FOXP1: variants seen among roughly 807,000 people sequenced by gnomAD.
FOXP1 encodes the protein forkhead box P1.
Under a neutral mutation model 98.2 loss-of-function variants are expected in FOXP1, and 15 were observed. The observed-to-expected ratio is 0.15, with a 90% CI of 0.10 to 0.24. The LOEUF (loss-of-function observed/expected upper bound fraction) is 0.24, where lower values mean the gene tolerates loss of function less well. Ranked by LOEUF, FOXP1 falls within the 10% of genes least tolerant of loss-of-function variation. The pLI is 1.00. For synonymous variants in FOXP1, 371 were observed against 314.5 expected, an observed-to-expected ratio of 1.18 and a Z score of -1.90; for missense variants, 633 against 848.5, an observed-to-expected ratio of 0.75 and a Z score of 3.15.
chr3:71,263,960 A>T (rs2069404869), intron 5 of FOXP1, among the ~76,000 whole-genome samples: 2 of 150,796 alleles, frequency 1.3e-5, no homozygotes, highest in African/African-American at 4.9e-5. Context: ...TTTCCTGCCC[A>T]GGCTGGTCTC....
chr3:71,001,126 G>GA, intron 12 of FOXP1, 67 bp from the exon 13 acceptor site: 2 of 1,285,564 alleles, frequency 1.6e-6, no homozygotes, highest in South Asian at 2.4e-5. Flanking sequence ...AAGTTACCAG[G>GA]ATGTTTAAGC....
Position 71,158,129 on chromosome 3 carries a change from GAGGGAGGGAGGC to G in FOXP1, c.180+40061_180+40072del, listed in dbSNP as rs1256014224. Among the ~76,000 whole-genome samples the G allele has an allele frequency of 4.3e-4, 20 of 45,998 alleles. 1 individual carries two copies. The highest frequency in any genetic ancestry group is 9.9e-4 in the African/African-American group (14 of 14,144). 30.2% of individuals were successfully genotyped at this position (45,998 alleles called of 152,430 possible). A position where few individuals can be genotyped will look rare whatever the true frequency, so the allele number is the denominator to read the frequency against. On this transcript the variant is annotated intron_variant, in intron 6 of 20. Transcript: ENST00000649528. The stretch of plus-strand genomic sequence containing the variant: ...GAAGGGAGGGAGGGAGGGAGGGAGG[GAGGGAGGGAGGC>G]AGGGAAGGAGGGAGGGAGGCAGGGA...
intron 7 of FOXP1, among the ~76,000 whole-genome samples, chr3:71,054,322 C>T (rs974575761): frequency 1.3e-5 from 2 of 152,238 alleles, no homozygotes; most frequent in Non-Finnish European, 2.9e-5. Flanking sequence ...TCCTTATTCA[C>T]CCAGCACACA....
At chr3:71,154,986 T>C (rs1379225942) in intron 6 of FOXP1, among the ~76,000 whole-genome samples, 1 of 152,218 alleles carries the variant, frequency 6.6e-6, no homozygotes, top group Non-Finnish European at 1.5e-5. Flanking sequence ...ATAATATTAC[T>C]GAAAAAATCA....
At chr3:71,305,649 C>A (rs12374061) in intron 4 of FOXP1, 65,417 of 151,954 alleles carry the variant, frequency 0.43, 16,968 homozygotes, top group East Asian at 0.89. Flanking sequence ...CTCTCTCTCT[C>A]TTTTCTTTTT....
At chr3:71,534,119 T>C (rs181800643) in intron 2 of FOXP1, among the ~76,000 whole-genome samples, 39 of 152,226 alleles carry the variant, frequency 2.6e-4, no homozygotes, top group African/African-American at 8.9e-4. Context: ...ATCTCAGCAA[T>C]TTGGGAGGCC....
intron 5 of FOXP1, among the ~76,000 whole-genome samples, chr3:71,243,513 T>C (rs1256274840): frequency 6.6e-6 from 1 of 152,206 alleles, no homozygotes; most frequent in Non-Finnish European, 1.5e-5. Context: ...TGTATTCAAA[T>C]CTGCTTGGGA....
intron 6 of FOXP1, among the ~76,000 whole-genome samples, chr3:71,163,040 T>G (rs922556624): frequency 1.3e-5 from 2 of 152,226 alleles, no homozygotes; most frequent in Non-Finnish European, 2.9e-5. Flanking sequence ...TCTGTAATTA[T>G]ATGCACAAAC....
chr3:71,537,800 G>A (rs1336945817), intron 2 of FOXP1, among the ~76,000 whole-genome samples: 1 of 152,200 alleles, frequency 6.6e-6, no homozygotes, highest in Non-Finnish European at 1.5e-5. Context: ...AAATCTTTCT[G>A]ACCACCTGCT....
In FOXP1 at chr3:70,975,676, A is replaced by C. The variant is rs145589356; in HGVS notation, c.1530+1265T>G. Among the ~76,000 whole-genome samples, 552 of 152,342 alleles carry C rather than the reference A, an allele frequency of 3.6e-3. 4 individuals carry two copies. The highest frequency in any genetic ancestry group is 0.013 in the African/African-American group (525 of 41,574). ...AAAATAGCCTCAAATGTTTGTTATC[A>C]CATGTCTCTAAATGTTTTGGATTTC... On this transcript the variant is annotated intron_variant, in intron 17 of 20. Transcript: ENST00000649528.
intron 2 of FOXP1, among the ~76,000 whole-genome samples, chr3:71,517,193 C>CAA (rs373133762): frequency 1.7e-3 from 255 of 148,404 alleles, no homozygotes; most frequent in Admixed American, 3.6e-3. Context: ...GGTGATCTAT[C>CAA]AAAAAAAAAA....
intron 5 of FOXP1, among the ~76,000 whole-genome samples, chr3:71,286,098 G>T (rs1475645636): frequency 9.9e-5 from 15 of 152,172 alleles, no homozygotes; most frequent in Admixed American, 9.8e-4. Flanking sequence ...GTTACCTAAT[G>T]TCAGTCACTT....
chr3:71,456,554 G>A (rs1459055475), intron 3 of FOXP1, among the ~76,000 whole-genome samples: 1 of 152,136 alleles, frequency 6.6e-6, no homozygotes, highest in Admixed American at 6.5e-5. Flanking sequence ...TATGGAAGAA[G>A]CCTGTTCCCA....
intron 3 of FOXP1, among the ~76,000 whole-genome samples, chr3:71,414,108 C>T (rs925585935): frequency 3.9e-5 from 6 of 152,026 alleles, no homozygotes; most frequent in African/African-American, 1.5e-4. Context: ...GAGAAGCACC[C>T]CAACTCTCGG....
At chr3:71,031,383 G>A (rs1482023921) in intron 11 of FOXP1, among the ~76,000 whole-genome samples, 1 of 152,208 alleles carries the variant, frequency 6.6e-6, no homozygotes, top group Admixed American at 6.5e-5. Flanking sequence ...AGCTACAGTT[G>A]CTATGGGGTC....
chr3:71,236,461 C>T (rs2066785092), intron 5 of FOXP1, among the ~76,000 whole-genome samples: 1 of 152,204 alleles, frequency 6.6e-6, no homozygotes, highest in African/African-American at 2.4e-5. Flanking sequence ...ACCAGTCATC[C>T]TGTCTACAGA....
intron 3 of FOXP1, among the ~76,000 whole-genome samples, chr3:71,367,961 CCAATCTGTTTGGATT>C (rs2079035082): frequency 1.3e-5 from 2 of 152,148 alleles, no homozygotes; most frequent in South Asian, 4.2e-4. Flanking sequence ...CCTGTGAGAG[CCAATCTGTTTGGATT>C]CAAACGTGTT....
chr3:71,323,113 G>A (rs2075489002), intron 4 of FOXP1, among the ~76,000 whole-genome samples: 1 of 151,992 alleles, frequency 6.6e-6, no homozygotes, highest in Non-Finnish European at 1.5e-5. Context: ...TGGGACTACA[G>A]ACATGCACCA....
At chr3:71,108,894 A>G (rs1043588330) in intron 7 of FOXP1, among the ~76,000 whole-genome samples, 5 of 152,214 alleles carry the variant, frequency 3.3e-5, no homozygotes, top group African/African-American at 1.2e-4. Flanking sequence ...GTATCCCATG[A>G]ACACCAGCAC....
Sources: gnomAD v4.1 joint callset for allele counts (sites outside exome capture counted in the v4.1 genomes callset) on GRCh38, gnomAD v4.1.1 for gene constraint, MANE v1.5 for transcripts, NCBI Gene and HGNC (gene_info 2026-07-23, HGNC 2026-07-21) for gene names.